The following EVA1A variants were observed in gnomAD, a reference collection of about 807,000 sequenced individuals.
EVA1A encodes eva-1 homolog A, regulator of programmed cell death.
A neutral mutation model predicts 9.8 loss-of-function variants in EVA1A; 7 were observed. The ratio of observed to expected loss-of-function variants is 0.71; its 90% confidence interval spans 0.41 to 1.34. The LOEUF (loss-of-function observed/expected upper bound fraction) is 1.34, where lower values mean the gene tolerates loss of function less well. Ranked by LOEUF, EVA1A falls within the 40% of genes most tolerant of loss-of-function variation. The pLI is 0.01. For missense variants in EVA1A, 206 were observed against 205.9 expected (o/e 1.00, Z 0.00); for synonymous variants, 90 against 85.6 (o/e 1.05, Z -0.28).
At chr2:75,519,792 A>G (rs995964105) in intron 2 of EVA1A, among the ~76,000 whole-genome samples, 4 of 152,100 alleles carry the variant, frequency 2.6e-5, no homozygotes, top group African/African-American at 4.8e-5. Flanking sequence ...GTAGTGAGCC[A>G]TGTGTATTTC....
intron 1 of EVA1A, among the ~76,000 whole-genome samples, chr2:75,524,912 TGATA>T (rs1307014434): frequency 2.6e-5 from 4 of 151,800 alleles, no homozygotes; most frequent in South Asian, 2.1e-4. Flanking sequence ...ATAGATGGAT[TGATA>T]GATAGACAGG....
At chr2:75,545,669 G>T (rs1036584492) in intron 1 of EVA1A, among the ~76,000 whole-genome samples, 2 of 145,372 alleles carry the variant, frequency 1.4e-5, no homozygotes, top group African/African-American at 5.3e-5. Context: ...AGCCTGGAGG[G>T]CAGAAGCAAA....
At chr2:75,568,269 T>C (rs543896979) in intron 1 of EVA1A, among the ~76,000 whole-genome samples, 28 of 151,968 alleles carry the variant, frequency 1.8e-4, no homozygotes, top group African/African-American at 6.5e-4. Flanking sequence ...ATGTTAATAA[T>C]GTATTATTAT....
In EVA1A at chr2:75,523,484, T is replaced by C. The variant is rs1179908894; in HGVS notation, c.-191-997A>G. On this transcript the variant is annotated intron_variant, in intron 1 of 3. Coordinates refer to ENST00000393913, the MANE Select transcript of EVA1A (RefSeq NM_001135032.2). ...CTTATATCACCGGCTGGGGAGAGGATACACATGGCCCCAGAGAAATAACTG... is the reference window on the plus strand; with the variant it reads ...CTTATATCACCGGCTGGGGAGAGGACACACATGGCCCCAGAGAAATAACTG... Among the ~76,000 whole-genome samples the C allele has an allele frequency of 3.3e-5, 5 of 152,114 alleles. No individual in the cohort carries two copies. The South Asian group carries it at 6.2e-4, about 19-fold the overall frequency.
chr2:75,517,697 T>G, intron 3 of EVA1A: 1 of 670,790 alleles, frequency 1.5e-6, no homozygotes, highest in Non-Finnish European at 2.7e-6. Flanking sequence ...GCAGCCTGTG[T>G]GAGGTTAACT....
intron 1 of EVA1A, among the ~76,000 whole-genome samples, chr2:75,558,306 G>T (rs1243620704): frequency 6.6e-6 from 1 of 152,172 alleles, no homozygotes; most frequent in African/African-American, 2.4e-5. Context: ...GACTTTGAGA[G>T]ACTGATTCAA....
chr2:75,569,290 A>G (rs1056062587), intron 1 of EVA1A, among the ~76,000 whole-genome samples: 10 of 152,114 alleles, frequency 6.6e-5, no homozygotes, highest in Non-Finnish European at 8.8e-5. Context: ...TTCAATCCTC[A>G]GCTCACGGTA....
intron 1 of EVA1A, among the ~76,000 whole-genome samples, chr2:75,541,050 C>A (rs1256094455): frequency 6.6e-6 from 1 of 152,128 alleles, no homozygotes; most frequent in Non-Finnish European, 1.5e-5. Context: ...GGGAGTCACT[C>A]GCATGGTGTG....
intron 2 of EVA1A, chr2:75,518,514 G>T: frequency 1.3e-6 from 1 of 796,618 alleles, no homozygotes; most frequent in Non-Finnish European, 1.5e-6. Context: ...GGGGTCTTGT[G>T]CTCTTTGTTC....
At chr2:75,561,279 A>T (rs978135687), upstream of EVA1A, 2 of 151,756 alleles carry the variant, frequency 1.3e-5, no homozygotes, top group African/African-American at 4.9e-5. Flanking sequence ...GCCAGCATCC[A>T]TCCTCTCATT....
intron 3 of EVA1A, among the ~76,000 whole-genome samples, chr2:75,506,379 A>G (rs2103805076): frequency 6.6e-6 from 1 of 152,280 alleles, no homozygotes; most frequent in South Asian, 2.1e-4. Context: ...TTATCTTGCT[A>G]TCATCTGTGT....
intron 3 of EVA1A, among the ~76,000 whole-genome samples, chr2:75,512,565 G>A (rs935864841): frequency 6.6e-5 from 10 of 152,186 alleles, no homozygotes; most frequent in African/African-American, 2.4e-4. Flanking sequence ...AGAGGTCTTG[G>A]TCAGAGAGGG....
chr2:75,547,260 G>A (rs189385539), intron 1 of EVA1A, among the ~76,000 whole-genome samples: 5 of 152,268 alleles, frequency 3.3e-5, no homozygotes, highest in Non-Finnish European at 7.4e-5. Context: ...TTCATGGATG[G>A]AGCTTCATGC....
intron 3 of EVA1A, among the ~76,000 whole-genome samples, chr2:75,499,575 A>C (rs1674336748): frequency 6.6e-6 from 1 of 152,218 alleles, no homozygotes. Flanking sequence ...ATATCTCCCA[A>C]GGGTCAGGTC....
At chr2:75,539,097 T>C (rs1391836285) in intron 1 of EVA1A, among the ~76,000 whole-genome samples, 2 of 152,356 alleles carry the variant, frequency 1.3e-5, no homozygotes, top group African/African-American at 4.8e-5. Context: ...TTTTAATGCA[T>C]AATCTTTAGA....
intron 1 of EVA1A, among the ~76,000 whole-genome samples, chr2:75,569,111 G>A (rs953945262): frequency 1.3e-5 from 2 of 151,842 alleles, no homozygotes; most frequent in Admixed American, 6.6e-5. Context: ...CTTTCATCAC[G>A]TCCATGCCAA....
intron 1 of EVA1A, among the ~76,000 whole-genome samples, chr2:75,559,706 G>T (rs529145910): frequency 8.4e-5 from 11 of 131,220 alleles, no homozygotes; most frequent in Non-Finnish European, 1.3e-4. Flanking sequence ...GTGGGGGGGG[G>T]GCGGGGGAGT....
Position 75,492,937 on chromosome 2 carries a change from T to G in EVA1A, c.*299A>C, listed in dbSNP as rs1447394946. The G allele has an allele frequency of 2.6e-6, 1 of 380,166 alleles. No homozygotes were observed. The highest frequency in any genetic ancestry group is 4.7e-6 in the Non-Finnish European group (1 of 211,572). The allele number at this position is 380,166 out of a possible 1,614,324, so 23.5% of individuals were successfully genotyped here. On this transcript the variant is annotated 3_prime_UTR_variant, in exon 4 of 4. Transcript: ENST00000393913. The stretch of plus-strand genomic sequence containing the variant: ...AGGAAGTCTGCTGAAACTTCTGAGA[T>G]CCTCAGAAATCAAGAGAAACCACAG...
intron 1 of EVA1A, among the ~76,000 whole-genome samples, chr2:75,534,302 C>T (rs529119382): frequency 2.6e-5 from 4 of 152,050 alleles, no homozygotes; most frequent in Admixed American, 2.6e-4. Flanking sequence ...ATTTAAGACC[C>T]ACTTTGGAGT....
Sources: allele counts gnomAD v4.1 joint callset (sites outside exome capture counted in the v4.1 genomes callset), GRCh38; gene constraint gnomAD v4.1.1; transcripts MANE v1.5; gene names NCBI Gene and HGNC (gene_info 2026-07-23, HGNC 2026-07-21).